Variants in SLC7A10 observed in about 807,000 individuals in gnomAD.
SLC7A10 encodes asc-type amino acid transporter 1.
A neutral mutation model predicts 52.7 loss-of-function variants in SLC7A10; 30 were observed. That is an observed-to-expected ratio of 0.57 (90% CI 0.43 to 0.77). The LOEUF (loss-of-function observed/expected upper bound fraction) is 0.77. Among genes scored for constraint, SLC7A10 ranks in the 30% least tolerant of loss-of-function variants. The probability of loss-of-function intolerance (pLI) is 0.00; values close to 1 mark genes in which losing one functional copy is unlikely to be tolerated. For synonymous variants in SLC7A10, 318 were observed against 314.9 expected, an observed-to-expected ratio of 1.01 and a Z score of -0.10; for missense variants, 581 against 698.5, an observed-to-expected ratio of 0.83 and a Z score of 1.90.
intron 1 of SLC7A10, among the ~76,000 whole-genome samples, chr19:33,221,822 C>T (rs1313874749): frequency 6.6e-6 from 1 of 152,206 alleles, no homozygotes; most frequent in Admixed American, 6.5e-5. Context: ...AGGGCCTGGT[C>T]AGCAGACCCA....
rs778708243 is a variant in SLC7A10 at position 33,211,426 on chromosome 19, A to C, written c.900T>G (p.Asn300Lys). ...AMSPQELLSSNAVAVTFGEKL... is the reference protein window; with the variant it reads ...AMSPQELLSSKAVAVTFGEKL... Reference sequence around the variant, plus strand: ...GGGGCCCACTCACCACAGCCACCGCATTGGAGGAGAGCAGCTCCTGGGGGG... The same window carrying C: ...GGGGCCCACTCACCACAGCCACCGCCTTGGAGGAGAGCAGCTCCTGGGGGG... The change falls in exon 6 of 11, where the codon AAT (asparagine) becomes AAG (lysine). Residue 300 changes from asparagine (N) to lysine (K), a missense_variant. Physicochemically the swap from Asn to Lys is moderately conservative, Grantham distance 94 (BLOSUM62 0). Transcript: ENST00000253188. 3.1e-6 allele frequency: 5 copies of C among 1,613,960 alleles called. No homozygotes were observed. The highest frequency in any genetic ancestry group is 4.2e-6 in the Non-Finnish European group (5 of 1,179,978).
chr19:33,220,300 A>G (rs559883369), intron 1 of SLC7A10: 2 of 152,336 alleles, frequency 1.3e-5, no homozygotes, highest in African/African-American at 4.8e-5. Flanking sequence ...CGGCTCAGCC[A>G]GCCCAGCCAA....
At position 33,209,601 on chromosome 19, in the gene SLC7A10, C is replaced by T. The variant is rs1974495373; in HGVS notation, c.1264-116G>A. 4.7e-6 allele frequency: 5 copies of T among 1,068,960 alleles called. 1 individual carries two copies. The South Asian group carries it at 7.8e-5, about 17-fold the overall frequency. The allele number at this position is 1,068,960 out of a possible 1,614,324, so 66.2% of individuals were successfully genotyped here. ...TCCCTGGGAGCTGAGGCCTGAAGGG[C>T]AATTGCACCCACTACACCCCCTCTT... On this transcript the variant is annotated intron_variant, in intron 9 of 10. Coordinates refer to ENST00000253188, the MANE Select transcript of SLC7A10 (RefSeq NM_019849.3).
intron 5 of SLC7A10, 190 bp downstream of exon 5, chr19:33,212,102 A>T: frequency 1.3e-6 from 1 of 748,156 alleles, no homozygotes; most frequent in Non-Finnish European, 2.2e-6. Flanking sequence ...GTCCATAGCC[A>T]GAGAGAACAG....
chr19:33,212,937 G>A lies in SLC7A10; in HGVS notation c.422C>T (p.Thr141Ile), dbSNP rs755507588. Residue 141 changes from threonine (T) to isoleucine (I), a missense_variant, in exon 3 of 11, where the codon ACC becomes ATC. Physicochemically the swap from Thr to Ile is moderately conservative, Grantham distance 89. Coordinates refer to ENST00000253188, the MANE Select transcript of SLC7A10 (RefSeq NM_019849.3). ...YPTSLAVISM[T>I]FSNYVLQPVF... ...GGGCTGCAGCACGTAGTTGGAGAAG[G>A]TCATGGAGATGACAGCAAGGCTGGT... The A allele has an allele frequency of 1.9e-6, 3 of 1,614,066 alleles. No individual in the cohort carries two copies. The highest frequency in any genetic ancestry group is 2.5e-6 in the Non-Finnish European group (3 of 1,180,028).
chr19:33,225,025 T>TCTGCGCAGG (rs1974892411), intron 1 of SLC7A10, among the ~76,000 whole-genome samples: 1 of 152,216 alleles, frequency 6.6e-6, no homozygotes, highest in Admixed American at 6.5e-5. Flanking sequence ...CTCCGTCCCT[T>TCTGCGCAGG]CTGCGCAGGC....
rs547373126 is a variant in SLC7A10 at position 33,218,902 on chromosome 19, A to G, written c.152-2929T>C. Among the ~76,000 whole-genome samples the G allele has an allele frequency of 2.6e-3, 398 of 151,066 alleles. 2 individuals carry two copies. Among genetic ancestry groups the G allele is most frequent in the African/African-American group, 9.0e-3 (372 of 41,212 alleles). On this transcript the variant is annotated intron_variant, in intron 1 of 10. Coordinates refer to ENST00000253188, the MANE Select transcript of SLC7A10 (RefSeq NM_019849.3). Reference sequence around the variant, plus strand: ...GAGGGTCTCCCTTCCCAGACTCTGTATTTCAGCCAAGCAGATCTACCTGAT... The same window carrying G: ...GAGGGTCTCCCTTCCCAGACTCTGTGTTTCAGCCAAGCAGATCTACCTGAT...
intron 1 of SLC7A10, among the ~76,000 whole-genome samples, chr19:33,216,349 C>G (rs959081607): frequency 1.3e-5 from 2 of 152,184 alleles, no homozygotes; most frequent in South Asian, 4.1e-4. Flanking sequence ...TCAGGCACCC[C>G]ACAAGGCCCA....
intron 1 of SLC7A10, among the ~76,000 whole-genome samples, chr19:33,218,929 C>T (rs891471968): frequency 7.3e-5 from 11 of 151,532 alleles, no homozygotes; most frequent in Non-Finnish European, 1.0e-4. Flanking sequence ...CTACCTGATT[C>T]GGGGAGCAGC....
rs1446074335 is a variant in SLC7A10, at chr19:33,213,319, T to C, written c.357-317A>G. On this transcript the variant is annotated intron_variant, in intron 2 of 10. Transcript: ENST00000253188. ...TTTTTTTTTTTTTGAGACGGAGTCTTGCTCTGTCACCCAGGCTGGAGTGCA... is the reference window on the plus strand; with the variant it reads ...TTTTTTTTTTTTTGAGACGGAGTCTCGCTCTGTCACCCAGGCTGGAGTGCA... 5.3e-5 allele frequency among the ~76,000 whole-genome samples: 8 copies of C among 151,718 alleles called. No homozygotes were observed. In the South Asian group the frequency reaches 1.5e-3, roughly 28 times the overall value.
At position 33,209,458 on chromosome 19, in the gene SLC7A10, A is replaced by G. The variant is rs1974490349; in HGVS notation, c.1291T>C (p.Leu431=). ...ACCAGCAGGAAGGCCCAGAAGACCA[A>G]GTACGCCACGGGGATGAGAAGGTTC... ...KVNLLIPVAY[L]VFWAFLLVFS... The change falls in exon 10 of 11, where the codon TTG becomes CTG. Residue 431 remains leucine (L), a synonymous_variant. Coordinates refer to ENST00000253188, the MANE Select transcript of SLC7A10 (RefSeq NM_019849.3). 6.2e-7 allele frequency: 1 copy of G among 1,613,986 alleles called. No homozygotes were observed. Among genetic ancestry groups the G allele is most frequent in the Non-Finnish European group, 8.5e-7 (1 of 1,180,000 alleles).
At position 33,208,919 on chromosome 19, in the gene SLC7A10, G is replaced by A; in HGVS notation, c.1544C>T (p.Ala515Val). The A allele has an allele frequency of 6.7e-7, 1 of 1,483,648 alleles. No individual in the cohort carries two copies. The highest frequency in any genetic ancestry group is 9.4e-7 in the Non-Finnish European group (1 of 1,064,670). 91.9% of individuals were successfully genotyped at this position (1,483,648 alleles called of 1,614,324 possible). Reference sequence around the variant, plus strand: ...TTGTGGCTTCGAGGGCTTGTCTGTGGCAGGCAGCAGGGAGGGTGGGCAGGG... The same window carrying A: ...TTGTGGCTTCGAGGGCTTGTCTGTGACAGGCAGCAGGGAGGGTGGGCAGGG... ...NGPCPPSLLP[A>V]TDKPSKPQ Residue 515 changes from alanine (A) to valine (V), a missense_variant, in exon 11 of 11, where the codon GCC becomes GTC. Transcript: ENST00000253188. The surrounding 1 kb of genome is among the most constrained non-coding windows in gnomAD (Gnocchi z 4.7).
In SLC7A10 at chr19:33,221,506, G is replaced by T. The variant is rs147967166; in HGVS notation, c.151+4047C>A. On this transcript the variant is annotated intron_variant, in intron 1 of 10. Transcript: ENST00000253188. ...ACCGAGGGCATCTGACCCCAGGGCAGGTTGCCTCAGTTTCCTCACCTGTAA... is the reference window on the plus strand; with the variant it reads ...ACCGAGGGCATCTGACCCCAGGGCATGTTGCCTCAGTTTCCTCACCTGTAA... Among the ~76,000 whole-genome samples, 370 of 152,290 alleles carry T rather than the reference G, an allele frequency of 2.4e-3. 5 individuals carry two copies. In the East Asian group the frequency reaches 0.027, roughly 11 times the overall value.
intron 1 of SLC7A10, among the ~76,000 whole-genome samples, chr19:33,221,572 G>C (rs112343857): frequency 0.01 from 1,589 of 152,258 alleles, 32 homozygotes; most frequent in African/African-American, 0.033. Flanking sequence ...CTGCACAGTT[G>C]TATGGCTCCT....
chr19:33,214,734 C>T (rs1211358014), intron 2 of SLC7A10, among the ~76,000 whole-genome samples: 1 of 152,218 alleles, frequency 6.6e-6, no homozygotes, highest in Non-Finnish European at 1.5e-5. Flanking sequence ...CCTGGGAGTC[C>T]TCCCTAGATG....
intron 2 of SLC7A10, among the ~76,000 whole-genome samples, chr19:33,213,977 G>A (rs1974615039): frequency 6.6e-6 from 1 of 152,102 alleles, no homozygotes; most frequent in East Asian, 1.9e-4. Context: ...GCCATCTCTG[G>A]ATCACCTGCC....
intron 1 of SLC7A10, among the ~76,000 whole-genome samples, chr19:33,219,197 C>T (rs896666909): frequency 6.6e-5 from 10 of 152,160 alleles, no homozygotes; most frequent in Admixed American, 1.3e-4. Flanking sequence ...GACTGCCCCC[C>T]AAGTCGGCCT....
chr19:33,209,369 C>T lies in SLC7A10; in HGVS notation c.1380G>A (p.Val460=), dbSNP rs149519299. The T allele has an allele frequency of 6.2e-6, 10 of 1,614,074 alleles. No homozygotes were observed. In the Admixed American group the frequency reaches 6.7e-5, roughly 11 times the overall value. ...AGAACACTCCCAGAAAGAAAATGGG[C>T]ACCCCCGTAAGGATGATGATGACGC... ...GVGVIIILTG[V]PIFFLGVFWR... The change falls in exon 10 of 11, where the codon GTG becomes GTA. Residue 460 remains valine (V), a synonymous_variant. Transcript: ENST00000253188.
At chr19:33,212,099 G>A in intron 5 of SLC7A10, 193 bp downstream of exon 5, 2 of 736,204 alleles carry the variant, frequency 2.7e-6, no homozygotes, top group South Asian at 1.8e-5. Context: ...CGTGTCCATA[G>A]CCAGAGAGAA....
Sources: allele counts gnomAD v4.1 joint callset (sites outside exome capture counted in the v4.1 genomes callset), GRCh38; gene constraint gnomAD v4.1.1; non-coding constraint Gnocchi (gnomAD v3.1); transcripts MANE v1.5; gene names NCBI Gene and HGNC (gene_info 2026-07-23, HGNC 2026-07-21).